Variants in NUBPL observed in about 807,000 individuals in gnomAD.
The protein encoded by NUBPL is iron-sulfur cluster transfer protein NUBPL.
In NUBPL, 31 loss-of-function variants were observed where a neutral mutation model predicts 45.7. The ratio of observed to expected loss-of-function variants is 0.68; its 90% CI spans 0.51 to 0.92. The LOEUF is 0.92. Ranked by LOEUF, NUBPL falls within the 40% of genes least tolerant of loss-of-function variation. The pLI, the probability that NUBPL is intolerant of heterozygous loss-of-function variation, is 0.00. For missense variants in NUBPL, 401 were observed against 398.7 expected, an observed-to-expected ratio of 1.01 and a Z score of -0.05; for synonymous variants, 144 against 140.9, an observed-to-expected ratio of 1.02 and a Z score of -0.15.
chr14:31,812,600 C>T (rs181397991), intron 7 of NUBPL, among the ~76,000 whole-genome samples: 2 of 152,290 alleles, frequency 1.3e-5, no homozygotes, highest in African/African-American at 2.4e-5. Flanking sequence ...CCTGGTGAGG[C>T]GATGCCCCGC....
intron 3 of NUBPL, 66 bp from the exon 4 acceptor site, chr14:31,599,223 G>A (rs770850021): frequency 3.6e-5 from 43 of 1,208,152 alleles, no homozygotes; most frequent in Middle Eastern, 2.3e-4. Context: ...CCTTTGAGAA[G>A]AGTGGGAACA....
chr14:31,809,712 G>T (rs1161175078), intron 7 of NUBPL, among the ~76,000 whole-genome samples: 5 of 152,238 alleles, frequency 3.3e-5, no homozygotes, highest in Admixed American at 3.3e-4. Context: ...TGATGTTAGG[G>T]TGTCAATTTT....
At chr14:31,570,619 C>T (rs542390668) in intron 3 of NUBPL, among the ~76,000 whole-genome samples, 2 of 152,328 alleles carry the variant, frequency 1.3e-5, no homozygotes, top group Admixed American at 1.3e-4. Context: ...CACATTTCAT[C>T]AGCAAGCAAA....
intron 7 of NUBPL, among the ~76,000 whole-genome samples, chr14:31,802,313 G>T (rs1056084414): frequency 6.7e-6 from 1 of 150,328 alleles, no homozygotes; most frequent in East Asian, 2.0e-4. Context: ...GTCTTGCTCT[G>T]TCACCAGGCT....
At chr14:31,754,591 C>CTTTTT (rs59085679) in intron 6 of NUBPL, among the ~76,000 whole-genome samples, 2 of 103,688 alleles carry the variant, frequency 1.9e-5, no homozygotes, top group African/African-American at 3.7e-5. Context: ...AGAGGGTTTT[C>CTTTTT]TTTTTTTTTT....
chr14:31,841,963 C>G (rs2040382528), intron 8 of NUBPL, among the ~76,000 whole-genome samples: 1 of 94,038 alleles, frequency 1.1e-5, no homozygotes, highest in Non-Finnish European at 2.1e-5. Context: ...CGGGGTCTTC[C>G]TCTGTCGCCT....
At chr14:31,700,162 G>T (rs1247345680) in intron 6 of NUBPL, among the ~76,000 whole-genome samples, 1 of 152,156 alleles carries the variant, frequency 6.6e-6, no homozygotes, top group African/African-American at 2.4e-5. Context: ...AGGTACAATG[G>T]CATTTCCCAG....
chr14:31,570,732 A>G (rs1182233390), intron 3 of NUBPL, among the ~76,000 whole-genome samples: 1 of 152,148 alleles, frequency 6.6e-6, no homozygotes, highest in East Asian at 1.9e-4. Flanking sequence ...TGGGTCATTC[A>G]TTCATTTATA....
chr14:31,590,302 T>G (rs1031342219), intron 3 of NUBPL, among the ~76,000 whole-genome samples: 3 of 152,202 alleles, frequency 2.0e-5, no homozygotes, highest in African/African-American at 7.2e-5. Context: ...CTTTCACTAA[T>G]TCATTTTTCC....
chr14:31,745,304 T>C (rs1020846108), intron 6 of NUBPL, among the ~76,000 whole-genome samples: 3 of 152,122 alleles, frequency 2.0e-5, no homozygotes, highest in Non-Finnish European at 4.4e-5. Flanking sequence ...ATGTGATGTT[T>C]GGTTTTTTGT....
intron 6 of NUBPL, among the ~76,000 whole-genome samples, chr14:31,786,014 C>G (rs988019023): frequency 1.3e-5 from 2 of 151,906 alleles, no homozygotes; most frequent in Non-Finnish European, 2.9e-5. Context: ...AAAAATTGAC[C>G]AGGCATGGTG....
chr14:31,848,084 T>C, intron 9 of NUBPL, among the ~76,000 whole-genome samples: 1 of 152,220 alleles, frequency 6.6e-6, no homozygotes, highest in East Asian at 1.9e-4. Context: ...ATGGTATGTA[T>C]GGAAGTTACA....
chr14:31,712,356 C>T (rs1426542185), intron 6 of NUBPL, among the ~76,000 whole-genome samples: 1 of 152,244 alleles, frequency 6.6e-6, no homozygotes, highest in Non-Finnish European at 1.5e-5. Context: ...AGCACCTAGC[C>T]CCGGCACTCT....
At chr14:31,836,732 C>A (rs749930235) in intron 8 of NUBPL, among the ~76,000 whole-genome samples, 1 of 152,058 alleles carries the variant, frequency 6.6e-6, no homozygotes, top group Non-Finnish European at 1.5e-5. Flanking sequence ...CCCAGCTAAC[C>A]CCATGTTTTG....
intron 7 of NUBPL, among the ~76,000 whole-genome samples, chr14:31,818,049 G>A (rs61996360): frequency 0.35 from 53,596 of 152,000 alleles, 10,165 homozygotes; most frequent in South Asian, 0.44. Flanking sequence ...CTTTAAGCCA[G>A]CAAAGATTTA....
At chr14:31,649,074 C>T (rs1474236217) in intron 4 of NUBPL, among the ~76,000 whole-genome samples, 1 of 152,196 alleles carries the variant, frequency 6.6e-6, no homozygotes, top group Non-Finnish European at 1.5e-5. Flanking sequence ...TCCCAAAGTG[C>T]TGGGATTTAC....
chr14:31,724,380 C>G (rs2037874790), intron 6 of NUBPL, among the ~76,000 whole-genome samples: 1 of 152,180 alleles, frequency 6.6e-6, no homozygotes, highest in African/African-American at 2.4e-5. Context: ...GTGGAATTCT[C>G]AAAGCCTTTT....
In NUBPL at chr14:31,838,456, G is replaced by A. The variant is rs144665497; in HGVS notation, c.694-8015G>A. On this transcript the variant is annotated intron_variant, in intron 8 of 10. Transcript: ENST00000281081. ...AAATAAATTACAGGTACATAGTTTAGCTGGATGAATCACTTGGACACAAAA... is the reference window on the plus strand; with the variant it reads ...AAATAAATTACAGGTACATAGTTTAACTGGATGAATCACTTGGACACAAAA... 6.7e-3 allele frequency among the ~76,000 whole-genome samples: 1,019 copies of A among 152,214 alleles called. 14 individuals are homozygous for A. The highest frequency in any genetic ancestry group is 0.023 in the African/African-American group (959 of 41,532).
At chr14:31,583,437 A>C (rs577572541) in intron 3 of NUBPL, among the ~76,000 whole-genome samples, 1 of 152,324 alleles carries the variant, frequency 6.6e-6, no homozygotes, top group East Asian at 1.9e-4. Flanking sequence ...ATAAAATGGT[A>C]AATAAGATAG....
Sources: allele counts gnomAD v4.1 joint callset (sites outside exome capture counted in the v4.1 genomes callset), GRCh38; gene constraint gnomAD v4.1.1; transcripts MANE v1.5; gene names NCBI Gene and HGNC (gene_info 2026-07-23, HGNC 2026-07-21).